Variants in PDE4D observed in about 807,000 individuals in gnomAD.
The protein encoded by PDE4D is phosphodiesterase 4D.
A neutral mutation model predicts 87.4 loss-of-function variants in PDE4D; 24 were observed. That is an observed-to-expected ratio of 0.27 (90% CI 0.20 to 0.39). PDE4D has a LOEUF of 0.39. PDE4D is among the 10% of genes least tolerant of loss of function. PDE4D has a pLI of 1.00. For synonymous variants in PDE4D, 384 were observed against 383.2 expected (o/e 1.00, Z -0.02); for missense variants, 714 against 1,041.0 (o/e 0.69, Z 4.32).
intron 1 of PDE4D, among the ~76,000 whole-genome samples, chr5:60,482,551 T>C (rs1001018003): frequency 7.2e-5 from 11 of 152,200 alleles, no homozygotes; most frequent in African/African-American, 2.7e-4. Flanking sequence ...ACCAGGAAGC[T>C]GGTCGTGACA....
chr5:59,891,053 G>A (rs73097690), intron 1 of PDE4D, among the ~76,000 whole-genome samples: 8,647 of 152,254 alleles, frequency 0.057, 319 homozygotes, highest in African/African-American at 0.1. Context: ...AGAATTTTAA[G>A]TCTAAGGATC....
At chr5:60,175,740 G>C (rs1172411174) in intron 2 of PDE4D, among the ~76,000 whole-genome samples, 1 of 152,108 alleles carries the variant, frequency 6.6e-6, no homozygotes, top group South Asian at 2.1e-4. Context: ...CAGGGAGGAA[G>C]GGCATTCCTT....
At chr5:59,520,469 T>C (rs1017618927) in intron 1 of PDE4D, among the ~76,000 whole-genome samples, 40 of 152,254 alleles carry the variant, frequency 2.6e-4, no homozygotes, top group African/African-American at 9.6e-4. Context: ...GAAAGAAGGC[T>C]CACAGTAGGT....
chr5:59,162,346 CTTAA>C (rs1781226457), intron 5 of PDE4D, among the ~76,000 whole-genome samples: 3 of 152,186 alleles, frequency 2.0e-5, no homozygotes, highest in African/African-American at 4.8e-5. Context: ...CACATTTATG[CTTAA>C]TTAGAGAGTT....
intron 1 of PDE4D, among the ~76,000 whole-genome samples, chr5:60,440,626 A>G (rs1018456449): frequency 6.6e-6 from 1 of 152,166 alleles, no homozygotes; most frequent in South Asian, 2.1e-4. Context: ...AAAGATAGAT[A>G]TTGAAATGCA....
chr5:60,165,465 T>C (rs1436096424), intron 2 of PDE4D, among the ~76,000 whole-genome samples: 1 of 152,132 alleles, frequency 6.6e-6, no homozygotes, highest in Non-Finnish European at 1.5e-5. Context: ...GCTTTGTGCT[T>C]TCTGCTCAAT....
intron 1 of PDE4D, among the ~76,000 whole-genome samples, chr5:60,510,570 T>C (rs961038729): frequency 6.6e-5 from 10 of 152,106 alleles, no homozygotes; most frequent in Admixed American, 5.9e-4. Flanking sequence ...TAATGGAGAT[T>C]TGCAATTAGT....
At chr5:59,520,709 G>T (rs1812053350) in intron 1 of PDE4D, among the ~76,000 whole-genome samples, 1 of 151,986 alleles carries the variant, frequency 6.6e-6, no homozygotes, top group Non-Finnish European at 1.5e-5. Context: ...AGGAAATCAG[G>T]ATTCGGAAAG....
intron 1 of PDE4D, among the ~76,000 whole-genome samples, chr5:59,650,905 T>C (rs1160118025): frequency 6.6e-6 from 1 of 152,166 alleles, no homozygotes; most frequent in Non-Finnish European, 1.5e-5. Flanking sequence ...AATGAATGTG[T>C]TGTAGTTTTT....
At chr5:59,953,707 A>G (rs1012393763) in intron 3 of PDE4D, among the ~76,000 whole-genome samples, 5 of 152,336 alleles carry the variant, frequency 3.3e-5, no homozygotes, top group South Asian at 4.1e-4. Context: ...GAATATTATG[A>G]ACAATTAATA....
chr5:59,391,969 A>G (rs1330286849), intron 1 of PDE4D, among the ~76,000 whole-genome samples: 1 of 148,400 alleles, frequency 6.7e-6, no homozygotes, highest in Non-Finnish European at 1.5e-5. Flanking sequence ...TTACATATAT[A>G]TATAATATAT....
intron 1 of PDE4D, among the ~76,000 whole-genome samples, chr5:60,210,952 G>A (rs1743131375): frequency 6.6e-6 from 1 of 152,202 alleles, no homozygotes; most frequent in Non-Finnish European, 1.5e-5. Context: ...GGCCCAAGCT[G>A]AGAAGCGGCA....
intron 1 of PDE4D, chr5:59,356,721 A>C: frequency 6.5e-7 from 1 of 1,548,632 alleles, no homozygotes; most frequent in Non-Finnish European, 8.6e-7. Flanking sequence ...AGGCAGTTAA[A>C]CAATTCTTCC....
intron 1 of PDE4D, among the ~76,000 whole-genome samples, chr5:59,441,455 C>T (rs1180145049): frequency 1.3e-5 from 2 of 152,122 alleles, no homozygotes; most frequent in Non-Finnish European, 2.9e-5. Context: ...TATTCTCTCC[C>T]TTTTCCAGGC....
intron 6 of PDE4D, among the ~76,000 whole-genome samples, chr5:59,021,868 A>G (rs749718053): frequency 2.6e-5 from 4 of 152,172 alleles, no homozygotes; most frequent in Non-Finnish European, 4.4e-5. Flanking sequence ...GCCCATACTT[A>G]TTTTGACAGT....
intron 1 of PDE4D, among the ~76,000 whole-genome samples, chr5:60,495,531 G>A (rs1160433919): frequency 6.6e-6 from 1 of 152,214 alleles, no homozygotes; most frequent in Non-Finnish European, 1.5e-5. Context: ...TTGAGATAGT[G>A]CATGCAGACT....
chr5:59,206,648 C>G (rs537301427), intron 2 of PDE4D, among the ~76,000 whole-genome samples: 1 of 152,154 alleles, frequency 6.6e-6, no homozygotes, highest in South Asian at 2.1e-4. Flanking sequence ...AGAATGCATG[C>G]TCCAAACAAT....
chr5:59,290,847 C>T (rs116162784), intron 1 of PDE4D, among the ~76,000 whole-genome samples: 6,799 of 152,064 alleles, frequency 0.045, 200 homozygotes, highest in African/African-American at 0.084. Flanking sequence ...CATCATTGAT[C>T]GTCAGAGAAA....
At chr5:59,940,196 G>T (rs1416970007) in intron 3 of PDE4D, among the ~76,000 whole-genome samples, 2 of 152,142 alleles carry the variant, frequency 1.3e-5, no homozygotes, top group Non-Finnish European at 2.9e-5. Flanking sequence ...CATGAAATGA[G>T]GTTTAGAGGT....
Sources: gnomAD v4.1 joint callset for allele counts (sites outside exome capture counted in the v4.1 genomes callset) on GRCh38, gnomAD v4.1.1 for gene constraint, MANE v1.5 for transcripts, NCBI Gene and HGNC (gene_info 2026-07-23, HGNC 2026-07-21) for gene names.